Variants in ABCC4 observed in about 807,000 individuals in gnomAD.
ABCC4 encodes ATP binding cassette subfamily C member 4 (PEL blood group).
ABCC4 carries 102 observed loss-of-function variants against 168.5 expected under a neutral mutation model. The observed-to-expected ratio is 0.61, with a 90% CI of 0.52 to 0.71. The LOEUF (loss-of-function observed/expected upper bound fraction) is 0.71, where lower values mean the gene tolerates loss of function less well. ABCC4 is among the 30% of genes least tolerant of loss of function. The pLI is 0.00. For missense variants in ABCC4, 1,402 were observed against 1,605.8 expected, an observed-to-expected ratio of 0.87 and a Z score of 2.17; for synonymous variants, 617 against 590.7, an observed-to-expected ratio of 1.04 and a Z score of -0.65.
At chr13:95,172,121 T>C (rs562326063) in intron 13 of ABCC4, among the ~76,000 whole-genome samples, 5 of 152,360 alleles carry the variant, frequency 3.3e-5, no homozygotes, top group Admixed American at 2.6e-4. Context: ...TACACTAACA[T>C]TGTAATTGAT....
chr13:95,093,354 G>A (rs1245831547), intron 20 of ABCC4, among the ~76,000 whole-genome samples: 2 of 151,980 alleles, frequency 1.3e-5, no homozygotes, highest in Non-Finnish European at 2.9e-5. Flanking sequence ...TGATCAAGTG[G>A]GTTTCATACC....
intron 4 of ABCC4, among the ~76,000 whole-genome samples, chr13:95,230,620 C>CA (rs1470389943): frequency 6.6e-6 from 1 of 152,042 alleles, no homozygotes; most frequent in Non-Finnish European, 1.5e-5. Context: ...ATTAAAAATA[C>CA]AAAAATTAGC....
intron 1 of ABCC4, among the ~76,000 whole-genome samples, chr13:95,280,589 A>C (rs1410595286): frequency 1.3e-5 from 2 of 151,672 alleles, no homozygotes; most frequent in Non-Finnish European, 2.9e-5. Flanking sequence ...AAAAAAAAAA[A>C]AAAAACCATC....
At chr13:95,199,728 C>T (rs1027110651) in intron 8 of ABCC4, among the ~76,000 whole-genome samples, 2 of 152,116 alleles carry the variant, frequency 1.3e-5, no homozygotes, top group African/African-American at 4.8e-5. Flanking sequence ...GACGTATCTC[C>T]CTGCCTCTAC....
At chr13:95,172,809 G>T (rs977697621) in intron 13 of ABCC4, among the ~76,000 whole-genome samples, 1 of 151,994 alleles carries the variant, frequency 6.6e-6, no homozygotes, top group Non-Finnish European at 1.5e-5. Context: ...GTGTGCACTT[G>T]TAGTCCCAGC....
intron 26 of ABCC4, 44 bp from the exon 27 acceptor site, chr13:95,053,228 T>C: frequency 7.0e-7 from 1 of 1,422,526 alleles, no homozygotes; most frequent in Non-Finnish European, 9.9e-7. Context: ...AGACTCTTTT[T>C]TCATTTTATT....
At chr13:95,074,426 C>G (rs1405358380) in intron 22 of ABCC4, 102 bp from the exon 23 acceptor site, 4 of 854,290 alleles carry the variant, frequency 4.7e-6, no homozygotes, top group Admixed American at 5.2e-5. Context: ...GAGTAGGGCA[C>G]CAAAGTTGCA....
At chr13:95,220,185 AATATT>A (rs59941084) in intron 4 of ABCC4, among the ~76,000 whole-genome samples, 112,698 of 151,724 alleles carry the variant, frequency 0.74, 42,712 homozygotes, top group Non-Finnish European at 0.83. Flanking sequence ...CTTCTAAAAG[AATATT>A]ATAAGAAACA....
chr13:95,288,969 G>C (rs1294503635), intron 1 of ABCC4, among the ~76,000 whole-genome samples: 1 of 152,100 alleles, frequency 6.6e-6, no homozygotes, highest in East Asian at 1.9e-4. Flanking sequence ...GTTACATTGA[G>C]AGCTCTCCAG....
intron 1 of ABCC4, among the ~76,000 whole-genome samples, chr13:95,283,712 G>C (rs1180041124): frequency 6.6e-6 from 1 of 152,046 alleles, no homozygotes; most frequent in African/African-American, 2.4e-5. Flanking sequence ...GAGGTCAGGA[G>C]TTCAAGACCA....
At chr13:95,255,181 G>A (rs571380630) in intron 1 of ABCC4, among the ~76,000 whole-genome samples, 2 of 152,346 alleles carry the variant, frequency 1.3e-5, no homozygotes, top group East Asian at 3.9e-4. Context: ...GTGACTGAGT[G>A]CTGGGGAGGA....
Position 95,137,951 on chromosome 13 carries a change from T to C in ABCC4, c.2456-21950A>G, listed in dbSNP as rs570896987. The stretch of plus-strand genomic sequence containing the variant: ...ACATACAGACATCTGGAACCCTGAT[T>C]AAGCAGCAAAGTTTTATTTTCTTTG... On this transcript the variant is annotated intron_variant, in intron 19 of 30. Transcript: ENST00000645237. Among the ~76,000 whole-genome samples, 238 of 152,278 alleles carry C rather than the reference T, an allele frequency of 1.6e-3. 1 individual carries two copies. The highest frequency in any genetic ancestry group is 5.4e-3 in the African/African-American group (224 of 41,542).
chr13:95,247,601 AC>A (rs1229581831), intron 2 of ABCC4, 41 bp downstream of exon 2: 2 of 1,492,630 alleles, frequency 1.3e-6, no homozygotes. Context: ...ACACACAGAC[AC>A]CCACGCTTCC....
chr13:95,170,292 T>A, intron 14 of ABCC4: 1 of 391,146 alleles, frequency 2.6e-6, no homozygotes, highest in Non-Finnish European at 4.6e-6. Context: ...AACAAAAAGT[T>A]CTAAATTAAA....
chr13:95,151,842 G>A lies in ABCC4; in HGVS notation c.2455+9347C>T, dbSNP rs1199268655. ...TGAGGCTAAGAGAAGTAATGTGACC[G>A]ACTTAGTTACCACAAACTATGATCC... On this transcript the variant is annotated intron_variant, in intron 19 of 30. Coordinates refer to ENST00000645237, the MANE Select transcript of ABCC4 (RefSeq NM_005845.5). 2.0e-5 allele frequency among the ~76,000 whole-genome samples: 3 copies of A among 152,124 alleles called. No homozygotes were observed. In the South Asian group the frequency reaches 6.2e-4, roughly 32 times the overall value.
chr13:95,143,677 T>A (rs2036392897), intron 19 of ABCC4, among the ~76,000 whole-genome samples: 1 of 152,136 alleles, frequency 6.6e-6, no homozygotes, highest in African/African-American at 2.4e-5. Flanking sequence ...TTCCACAGTA[T>A]CTCCTATGAC....
Position 95,094,701 on chromosome 13 carries a change from C to T in ABCC4, c.2536-11411G>A, listed in dbSNP as rs371234326. On this transcript the variant is annotated intron_variant, in intron 20 of 30. Coordinates refer to ENST00000645237, the MANE Select transcript of ABCC4 (RefSeq NM_005845.5). ...TAATTAAACTAAGGAGCTTTTGCAC[C>T]GCAAAAGGCACATTCAGCAGAGTGA... Among the ~76,000 whole-genome samples, 10 of 152,044 alleles carry T rather than the reference C, an allele frequency of 6.6e-5. No individual in the cohort carries two copies. The East Asian group carries it at 9.7e-4, about 15-fold the overall frequency.
At chr13:95,024,362 A>G (rs1250928508) in intron 30 of ABCC4, among the ~76,000 whole-genome samples, 3 of 152,174 alleles carry the variant, frequency 2.0e-5, no homozygotes, top group African/African-American at 7.2e-5. Flanking sequence ...GTATCAGGTC[A>G]GTGAGTATGG....
At chr13:95,243,930 A>T (rs2040014045) in intron 3 of ABCC4, among the ~76,000 whole-genome samples, 1 of 151,762 alleles carries the variant, frequency 6.6e-6, no homozygotes, top group Non-Finnish European at 1.5e-5. Context: ...GTCAACCTGA[A>T]TGTACCTTGG....
Sources: allele counts gnomAD v4.1 joint callset (sites outside exome capture counted in the v4.1 genomes callset), GRCh38; gene constraint gnomAD v4.1.1; transcripts MANE v1.5; gene names NCBI Gene and HGNC (gene_info 2026-07-23, HGNC 2026-07-21).